MYRFL: variants seen among roughly 807,000 people sequenced by gnomAD.
The protein encoded by MYRFL is myelin regulatory factor like.
In MYRFL, 88 loss-of-function variants were observed where a neutral mutation model predicts 109.4. The ratio of observed to expected loss-of-function variants is 0.80; its 90% CI spans 0.68 to 0.96. MYRFL has a LOEUF of 0.96. MYRFL is among the 40% of genes least tolerant of loss of function. MYRFL has a pLI of 0.00. For missense variants in MYRFL, 957 were observed against 954.9 expected, an observed-to-expected ratio of 1.00 and a Z score of -0.03; for synonymous variants, 324 against 320.9, an observed-to-expected ratio of 1.01 and a Z score of -0.10.
chr12:69,877,116 C>T (rs188555547), intron 2 of MYRFL, among the ~76,000 whole-genome samples: 7,533 of 151,024 alleles, frequency 0.05, 271 homozygotes, highest in Non-Finnish European at 0.073. Flanking sequence ...CTCCGCCTCC[C>T]GGGTTCACGC....
intron 2 of MYRFL, among the ~76,000 whole-genome samples, chr12:69,865,647 G>C (rs1026879406): frequency 1.3e-5 from 2 of 152,104 alleles, no homozygotes; most frequent in African/African-American, 4.8e-5. Context: ...GCATGCCAAG[G>C]CACCATACTT....
At chr12:69,879,509 C>T in intron 4 of MYRFL, 56 bp downstream of exon 4, 1 of 660,752 alleles carries the variant, frequency 1.5e-6, no homozygotes, top group South Asian at 1.7e-5. Flanking sequence ...TCGGAGCAGC[C>T]TGCCTCTGGC....
At chr12:69,880,954 T>G (rs1364116846) in intron 5 of MYRFL, among the ~76,000 whole-genome samples, 2 of 124,226 alleles carry the variant, frequency 1.6e-5, no homozygotes, top group Non-Finnish European at 3.2e-5. Flanking sequence ...CCTTCCTGTT[T>G]TTTTTTTTTT....
intron 1 of MYRFL, among the ~76,000 whole-genome samples, chr12:69,832,276 A>G (rs1882676335): frequency 1.3e-5 from 2 of 152,134 alleles, no homozygotes; most frequent in Non-Finnish European, 2.9e-5. Context: ...GGCTATGACA[A>G]GAATGACCTA....
At chr12:69,829,883 A>G (rs11177884) in intron 1 of MYRFL, among the ~76,000 whole-genome samples, 16,263 of 152,038 alleles carry the variant, frequency 0.11, 1,198 homozygotes, top group Middle Eastern at 0.16. Context: ...CAGTGTAGAG[A>G]ACAGAACCTG....
chr12:69,839,812 C>T (rs976768993), intron 1 of MYRFL, among the ~76,000 whole-genome samples: 1 of 152,170 alleles, frequency 6.6e-6, no homozygotes, highest in African/African-American at 2.4e-5. Flanking sequence ...TGGCTTAGCT[C>T]ATGATTCTTT....
chr12:69,856,931 C>G (rs905874471), intron 2 of MYRFL, among the ~76,000 whole-genome samples: 3 of 151,774 alleles, frequency 2.0e-5, no homozygotes, highest in African/African-American at 7.2e-5. Context: ...TCTTATATGA[C>G]TTACGGTTTA....
At chr12:69,956,402 A>T (rs1016306014) in intron 22 of MYRFL, among the ~76,000 whole-genome samples, 16 of 152,280 alleles carry the variant, frequency 1.1e-4, no homozygotes, top group African/African-American at 3.9e-4. Context: ...ACAAAACTCT[A>T]ACTTAACCTA....
chr12:69,931,106 C>T (rs1955258646), intron 15 of MYRFL, among the ~76,000 whole-genome samples: 1 of 152,104 alleles, frequency 6.6e-6, no homozygotes, highest in African/African-American at 2.4e-5. Context: ...AACTTGAAGA[C>T]TCAACTCTAA....
At chr12:69,873,050 C>T (rs940071650) in intron 2 of MYRFL, among the ~76,000 whole-genome samples, 1 of 152,196 alleles carries the variant, frequency 6.6e-6, no homozygotes, top group Non-Finnish European at 1.5e-5. Flanking sequence ...ATGCCTGAAA[C>T]TGAGGGTAGT....
rs144260584 is a variant in MYRFL at position 69,934,037 on chromosome 12, A to C, written c.1916+1439A>C. Among the ~76,000 whole-genome samples the C allele has an allele frequency of 5.9e-5, 9 of 152,278 alleles. No individual in the cohort carries two copies. In the South Asian group the frequency reaches 1.9e-3, roughly 32 times the overall value. On this transcript the variant is annotated intron_variant, in intron 16 of 24. Transcript: ENST00000552032. ...GTCCATTTCATTATATGGTCCTAGAAGTTTTCTGGGCTATGCGTTGAGGCA... is the reference window on the plus strand; with the variant it reads ...GTCCATTTCATTATATGGTCCTAGACGTTTTCTGGGCTATGCGTTGAGGCA...
In MYRFL at chr12:69,830,649, T is replaced by C. The variant is rs1882576396; in HGVS notation, c.46+5086T>C. 2.0e-5 allele frequency among the ~76,000 whole-genome samples: 3 copies of C among 152,138 alleles called. 1 individual carries two copies. The highest frequency in any genetic ancestry group is 2.0e-4 in the Admixed American group (3 of 15,278). On this transcript the variant is annotated intron_variant, in intron 1 of 24. Transcript: ENST00000552032. ...AACCAGCCAGGTCATGCAAGGAATT[T>C]AGGATTATCTGAACATTTCTATGAA...
chr12:69,840,215 T>A (rs891873336), intron 1 of MYRFL, among the ~76,000 whole-genome samples: 59 of 152,250 alleles, frequency 3.9e-4, no homozygotes, highest in African/African-American at 1.4e-3. Context: ...GCCTTCAGGC[T>A]GTCTGAATGT....
intron 1 of MYRFL, among the ~76,000 whole-genome samples, chr12:69,834,224 C>A (rs1283545807): frequency 6.6e-6 from 1 of 152,118 alleles, no homozygotes; most frequent in Non-Finnish European, 1.5e-5. Context: ...GTGGTTGATA[C>A]CCTGGTATTA....
chr12:69,908,305 A>T lies in MYRFL; in HGVS notation c.1384-1664A>T, dbSNP rs115680203. On this transcript the variant is annotated intron_variant, in intron 11 of 24. Coordinates refer to ENST00000552032, the MANE Select transcript of MYRFL (RefSeq NM_182530.3). ...GACAAAGAATGAAGTTGACACAATT[A>T]GTTGTCTTGTAATTGTGACTCATGC... Among the ~76,000 whole-genome samples the T allele has an allele frequency of 5.0e-3, 758 of 152,326 alleles. 13 individuals are homozygous for T. The highest frequency in any genetic ancestry group is 0.017 in the African/African-American group (713 of 41,568).
chr12:69,933,557 A>G (rs1955339061), intron 16 of MYRFL, among the ~76,000 whole-genome samples: 1 of 152,150 alleles, frequency 6.6e-6, no homozygotes, highest in Admixed American at 6.5e-5. Flanking sequence ...GCAGCATCCT[A>G]GCTACAGAAG....
intron 1 of MYRFL, among the ~76,000 whole-genome samples, chr12:69,834,491 T>C (rs1182901170): frequency 6.6e-6 from 1 of 152,230 alleles, no homozygotes; most frequent in Non-Finnish European, 1.5e-5. Flanking sequence ...TTTTAAAGTT[T>C]CAATGTTCTC....
intron 13 of MYRFL, among the ~76,000 whole-genome samples, chr12:69,914,204 A>G (rs1423011493): frequency 3.9e-5 from 6 of 152,164 alleles, no homozygotes; most frequent in Non-Finnish European, 2.9e-5. Flanking sequence ...AAGTTTTCCA[A>G]TAAATTACTT....
At chr12:69,918,375 G>A (rs188007699) in intron 13 of MYRFL, among the ~76,000 whole-genome samples, 1 of 152,302 alleles carries the variant, frequency 6.6e-6, no homozygotes, top group East Asian at 1.9e-4. Flanking sequence ...GAATGTGTGA[G>A]GGCTGAGAAG....
Sources: allele counts gnomAD v4.1 joint callset (sites outside exome capture counted in the v4.1 genomes callset), GRCh38; gene constraint gnomAD v4.1.1; transcripts MANE v1.5; gene names NCBI Gene and HGNC (gene_info 2026-07-23, HGNC 2026-07-21).